The following APAF1 variants were observed in gnomAD, a reference collection of about 807,000 sequenced individuals.
APAF1 encodes the protein apoptotic peptidase activating factor 1, also known as apoptotic protease-activating factor 1.
In APAF1, 91 loss-of-function variants were observed where a neutral mutation model predicts 152.4. The ratio of observed to expected loss-of-function variants is 0.60; its 90% CI spans 0.50 to 0.71. The LOEUF (loss-of-function observed/expected upper bound fraction) is 0.71, where lower values mean the gene tolerates loss of function less well. Ranked by LOEUF, APAF1 falls within the 30% of genes least tolerant of loss-of-function variation. The pLI, the probability that APAF1 is intolerant of heterozygous loss-of-function variation, is 0.00. For synonymous variants in APAF1, 484 were observed against 494.1 expected, an observed-to-expected ratio of 0.98 and a Z score of 0.27; for missense variants, 1,283 against 1,472.0, an observed-to-expected ratio of 0.87 and a Z score of 2.10.
chr12:98,720,175 C>A (rs1307708057), intron 22 of APAF1, among the ~76,000 whole-genome samples: 1 of 152,124 alleles, frequency 6.6e-6, no homozygotes, highest in African/African-American at 2.4e-5. Context: ...GTTTTTATGA[C>A]CAGCTTGACG....
Position 98,712,427 on chromosome 12 carries a change from GC to G in APAF1, c.2952del (p.Ile985LeufsTer4). On this transcript the variant is annotated frameshift_variant, in exon 21 of 27. Coordinates refer to ENST00000551964, the MANE Select transcript of APAF1 (RefSeq NM_181861.2). LOFTEE classifies it high-confidence loss of function. ...CATTGCATTTGGAGATGAAAATGGAGCCATTGAGGTATTCAGTGCTAGTCTT... is the reference window on the plus strand; with the variant it reads ...CATTGCATTTGGAGATGAAAATGGAGCATTGAGGTATTCAGTGCTAGTCTT... ...QYIAFGDENG[A>X]IEILELVNNR... 1 of 1,573,714 alleles carries G rather than the reference GC, an allele frequency of 6.4e-7. No individual in the cohort carries two copies. The highest frequency in any genetic ancestry group is 1.3e-5 in the African/African-American group (1 of 74,234).
rs1196634330 is a variant in APAF1, at chr12:98,686,786, G to A, written c.2217G>A (p.Met739Ile). ...DLNQKECRNT[M>I]FGHTNSVNHC... ...ATCAAAAAGAATGTCGAAATACCAT[G>A]TTTGGTCATACAAATTCAGTCAATC... The change falls in exon 16 of 27, where the codon ATG becomes ATA. Residue 739 changes from methionine to isoleucine, a missense_variant. By Grantham distance (10) the Met-to-Ile change is conservative. Coordinates refer to ENST00000551964, the MANE Select transcript of APAF1 (RefSeq NM_181861.2). The A allele has an allele frequency of 1.2e-6, 2 of 1,613,666 alleles. No homozygotes were observed. Among genetic ancestry groups the A allele is most frequent in the Non-Finnish European group, 1.7e-6 (2 of 1,179,864 alleles).
intron 23 of APAF1, 52 bp downstream of exon 23, chr12:98,723,364 GATTAT>G (rs1355623063): frequency 2.5e-6 from 4 of 1,570,618 alleles, no homozygotes; most frequent in Non-Finnish European, 3.5e-6. Flanking sequence ...ATATTGCAAT[GATTAT>G]ATTGAGACAG....
chr12:98,716,725 A>G (rs1488014052), intron 22 of APAF1, among the ~76,000 whole-genome samples: 5 of 152,082 alleles, frequency 3.3e-5, no homozygotes, highest in Non-Finnish European at 1.5e-5. Flanking sequence ...TGGAAGTTGA[A>G]TTATTTCTTT....
At chr12:98,705,511 T>C (rs1006825260) in intron 18 of APAF1, among the ~76,000 whole-genome samples, 50 of 152,214 alleles carry the variant, frequency 3.3e-4, no homozygotes, top group Admixed American at 2.8e-3. Flanking sequence ...TGAAAACCAG[T>C]CACTGGGCCT....
chr12:98,701,548 T>C (rs2097715418), intron 17 of APAF1, among the ~76,000 whole-genome samples: 1 of 152,260 alleles, frequency 6.6e-6, no homozygotes, highest in Non-Finnish European at 1.5e-5. Context: ...TCCTAGTAGG[T>C]GTGAAGTGGT....
At chr12:98,652,836 G>C (rs2097650642) in intron 4 of APAF1, among the ~76,000 whole-genome samples, 1 of 152,192 alleles carries the variant, frequency 6.6e-6, no homozygotes, top group East Asian at 1.9e-4. Context: ...ATGTTGGTCA[G>C]GCTGGTCTCG....
rs1363673084 is a variant in APAF1 at position 98,735,013 on chromosome 12, T to A, written c.*2447T>A. 2.6e-6 allele frequency: 1 copy of A among 389,606 alleles called. No homozygotes were observed. Among genetic ancestry groups the A allele is most frequent in the African/African-American group, 2.1e-5 (1 of 48,416 alleles). 24.1% of individuals were successfully genotyped at this position (389,606 alleles called of 1,614,324 possible). A position where few individuals can be genotyped will look rare whatever the true frequency, so the allele number is the denominator to read the frequency against. On this transcript the variant is annotated 3_prime_UTR_variant, in exon 27 of 27. Transcript: ENST00000551964. ...CTGTAATCCCAGCTCCTTGGGAGGCTAAGACAGGAGGATTCCTTGAGCCCT... is the reference window on the plus strand; with the variant it reads ...CTGTAATCCCAGCTCCTTGGGAGGCAAAGACAGGAGGATTCCTTGAGCCCT...
intron 4 of APAF1, among the ~76,000 whole-genome samples, chr12:98,657,633 G>A (rs1161411448): frequency 6.6e-6 from 1 of 152,190 alleles, no homozygotes; most frequent in Non-Finnish European, 1.5e-5. Context: ...CCTGCAATGG[G>A]ATAGTAGGTT....
intron 22 of APAF1, among the ~76,000 whole-genome samples, chr12:98,716,503 A>G (rs1179658830): frequency 1.3e-5 from 2 of 152,206 alleles, no homozygotes; most frequent in Admixed American, 6.5e-5. Context: ...CTTTGAAGAC[A>G]TTGCTCCATT....
In APAF1 at chr12:98,703,394, C is replaced by G. The variant is rs2097717830; in HGVS notation, c.2490C>G (p.Gly830=). ...KIFLFDIHTS[G]LLGEIHTGHH... The stretch of plus-strand genomic sequence containing the variant: ...AGCTTTTTGACATTCATACTAGTGG[C>G]CTATTGGGAGAAATCCACACGGGCC... The change falls in exon 18 of 27, where the codon GGC becomes GGG. Residue 830 remains glycine, a synonymous_variant. Transcript: ENST00000551964. 4.3e-6 allele frequency: 7 copies of G among 1,614,078 alleles called. No homozygotes were observed. Among genetic ancestry groups the G allele is most frequent in the Non-Finnish European group, 5.9e-6 (7 of 1,179,992 alleles).
chr12:98,652,630 A>AT lies in APAF1; in HGVS notation c.526+2950dup, dbSNP rs1361689296. 3.0e-4 allele frequency among the ~76,000 whole-genome samples: 45 copies of AT among 148,720 alleles called. No homozygotes were observed. The East Asian group carries it at 8.8e-3, about 29-fold the overall frequency. On this transcript the variant is annotated intron_variant, in intron 4 of 26. Transcript: ENST00000551964. ...TGGTTTTAGACTTTTATTTTATTTTATTTTATTTTTTTTGAGACGGAGTTT... is the reference window on the plus strand; with the variant it reads ...TGGTTTTAGACTTTTATTTTATTTTATTTTTATTTTTTTTGAGACGGAGTTT...
At chr12:98,710,649 C>T (rs539036602) in intron 20 of APAF1, among the ~76,000 whole-genome samples, 32 of 152,158 alleles carry the variant, frequency 2.1e-4, no homozygotes, top group Non-Finnish European at 4.1e-4. Context: ...GTCTTGAACT[C>T]CTGGCCTCAA....
At chr12:98,690,620 T>A (rs2097703095) in intron 16 of APAF1, among the ~76,000 whole-genome samples, 1 of 152,200 alleles carries the variant, frequency 6.6e-6, no homozygotes, top group South Asian at 2.1e-4. Context: ...AAGAAAGCTG[T>A]AAAACTAGGC....
intron 4 of APAF1, among the ~76,000 whole-genome samples, chr12:98,650,244 C>A (rs2097647229): frequency 6.6e-6 from 1 of 151,806 alleles, no homozygotes; most frequent in Non-Finnish European, 1.5e-5. Flanking sequence ...TGCTTGTAAT[C>A]CCAGCTGAGG....
chr12:98,702,548 G>T (rs2097716658), intron 17 of APAF1, among the ~76,000 whole-genome samples: 1 of 152,012 alleles, frequency 6.6e-6, no homozygotes, highest in African/African-American at 2.4e-5. Context: ...ACTGCGGCTG[G>T]GCGTGGTGGC....
chr12:98,669,128 C>A (rs1171238252), intron 10 of APAF1, among the ~76,000 whole-genome samples: 3 of 151,998 alleles, frequency 2.0e-5, no homozygotes, highest in African/African-American at 7.2e-5. Flanking sequence ...CCAATAAATA[C>A]TTGTGCCCTA....
intron 17 of APAF1, 37 bp from the exon 18 acceptor site, chr12:98,703,334 A>G (rs1565884603): frequency 2.5e-6 from 4 of 1,611,332 alleles, no homozygotes; most frequent in South Asian, 1.1e-5. Flanking sequence ...CTCTTAAAGT[A>G]TTTTACCTTC....
At chr12:98,686,654 C>G in intron 15 of APAF1, 94 bp from the exon 16 acceptor site, 2 of 1,272,544 alleles carry the variant, frequency 1.6e-6, no homozygotes, top group Non-Finnish European at 1.1e-6. Flanking sequence ...AATCAAAAAG[C>G]TTAAATGAGA....
Sources: allele counts gnomAD v4.1 joint callset (sites outside exome capture counted in the v4.1 genomes callset), GRCh38; gene constraint gnomAD v4.1.1; transcripts MANE v1.5; gene names NCBI Gene and HGNC (gene_info 2026-07-23, HGNC 2026-07-21).